AGBL4: variants seen among roughly 807,000 people sequenced by gnomAD.
AGBL4 encodes cytosolic carboxypeptidase 6.
Under a neutral mutation model 66.4 loss-of-function variants are expected in AGBL4, and 58 were observed. That is an observed-to-expected ratio of 0.87 (90% CI 0.71 to 1.09). AGBL4 has a LOEUF of 1.09. Ranked by LOEUF, AGBL4 falls within the 50% of genes least tolerant of loss-of-function variation. AGBL4 has a pLI of 0.00. For missense variants in AGBL4, 579 were observed against 631.0 expected, an observed-to-expected ratio of 0.92 and a Z score of 0.88; for synonymous variants, 234 against 222.9, an observed-to-expected ratio of 1.05 and a Z score of -0.44.
At chr1:49,337,242 A>C (rs144392660) in intron 3 of AGBL4, among the ~76,000 whole-genome samples, 1 of 152,184 alleles carries the variant, frequency 6.6e-6, no homozygotes, top group Non-Finnish European at 1.5e-5. Flanking sequence ...AGTGTTTTAT[A>C]AACTGTGAGG....
intron 3 of AGBL4, among the ~76,000 whole-genome samples, chr1:49,413,809 C>T (rs1004026212): frequency 6.6e-6 from 1 of 152,058 alleles, no homozygotes; most frequent in Non-Finnish European, 1.5e-5. Flanking sequence ...ACTTTGAAAT[C>T]GGGGAAATCT....
At chr1:49,535,588 T>C (rs1342885774) in intron 3 of AGBL4, among the ~76,000 whole-genome samples, 1 of 151,928 alleles carries the variant, frequency 6.6e-6, no homozygotes, top group Non-Finnish European at 1.5e-5. Flanking sequence ...GAGTATAAAA[T>C]ATATAACAAA....
intron 5 of AGBL4, among the ~76,000 whole-genome samples, chr1:48,894,574 C>T (rs1651316825): frequency 6.6e-6 from 1 of 151,780 alleles, no homozygotes; most frequent in African/African-American, 2.4e-5. Context: ...TCCAGGGTCA[C>T]TTGTCACATG....
chr1:49,216,924 G>A (rs1051735925), intron 4 of AGBL4, among the ~76,000 whole-genome samples: 5 of 152,028 alleles, frequency 3.3e-5, no homozygotes, highest in Admixed American at 2.0e-4. Context: ...GCTCCCCCTC[G>A]GTCCTTTGCC....
intron 5 of AGBL4, among the ~76,000 whole-genome samples, chr1:48,893,041 A>T (rs1047613949): frequency 6.6e-6 from 1 of 152,158 alleles, no homozygotes; most frequent in African/African-American, 2.4e-5. Flanking sequence ...TCTGGAGTGC[A>T]CTTATCTACT....
chr1:49,199,163 T>C (rs1185659711), intron 4 of AGBL4, among the ~76,000 whole-genome samples: 8 of 152,214 alleles, frequency 5.3e-5, no homozygotes, highest in South Asian at 2.1e-4. Context: ...ACCATTATTA[T>C]GCCCATTTTT....
At chr1:49,868,304 G>A (rs1250261937) in intron 1 of AGBL4, among the ~76,000 whole-genome samples, 1 of 151,982 alleles carries the variant, frequency 6.6e-6, no homozygotes, top group Non-Finnish European at 1.5e-5. Context: ...ACCAAAAAAA[G>A]GGCCCATATA....
intron 1 of AGBL4, among the ~76,000 whole-genome samples, chr1:49,917,114 C>G (rs1423484915): frequency 1.3e-5 from 2 of 152,070 alleles, no homozygotes; most frequent in African/African-American, 4.8e-5. Context: ...ACAACCGGTA[C>G]CAGCCACTGC....
At chr1:49,516,705 G>T (rs1363779779) in intron 3 of AGBL4, among the ~76,000 whole-genome samples, 1 of 152,046 alleles carries the variant, frequency 6.6e-6, no homozygotes, top group South Asian at 2.1e-4. Context: ...ACATGGGGAT[G>T]GAGGAAGTGC....
At chr1:48,634,823 A>C (rs760819147) in intron 8 of AGBL4, among the ~76,000 whole-genome samples, 30 of 152,206 alleles carry the variant, frequency 2.0e-4, no homozygotes, top group Admixed American at 7.9e-4. Context: ...GCAGAGTAAG[A>C]AACTGAGTCA....
intron 5 of AGBL4, among the ~76,000 whole-genome samples, chr1:48,910,083 G>A (rs1164236751): frequency 2.0e-5 from 3 of 152,136 alleles, no homozygotes; most frequent in African/African-American, 7.2e-5. Flanking sequence ...CAATTAGAAA[G>A]AACTTCCTTA....
chr1:49,824,179 G>C (rs976657887), intron 2 of AGBL4, among the ~76,000 whole-genome samples: 1 of 152,118 alleles, frequency 6.6e-6, no homozygotes, highest in Non-Finnish European at 1.5e-5. Context: ...TTGCACTCCA[G>C]CCTGGGCAAC....
chr1:49,249,600 T>A (rs1346956), intron 3 of AGBL4, among the ~76,000 whole-genome samples: 136,009 of 152,202 alleles, frequency 0.89, 61,303 homozygotes, highest in South Asian at 0.95. Flanking sequence ...GAAAAAAAGG[T>A]ACACTCATAT....
chr1:49,204,017 A>T lies in AGBL4; in HGVS notation c.377+41753T>A, dbSNP rs114044195. On this transcript the variant is annotated intron_variant, in intron 4 of 13. Transcript: ENST00000371839. Reference sequence around the variant, plus strand: ...CAACCATAAAGAAAATGGATAAAGCATCATGGGAGAAAAGCAAGGTAGACA... The same window carrying T: ...CAACCATAAAGAAAATGGATAAAGCTTCATGGGAGAAAAGCAAGGTAGACA... Among the ~76,000 whole-genome samples, 783 of 152,328 alleles carry T rather than the reference A, an allele frequency of 5.1e-3. 6 individuals are homozygous for T. Among genetic ancestry groups the T allele is most frequent in the Middle Eastern group, 0.017 (5 of 294 alleles).
At chr1:49,803,610 T>C (rs1260788986) in intron 2 of AGBL4, among the ~76,000 whole-genome samples, 3 of 152,184 alleles carry the variant, frequency 2.0e-5, no homozygotes, top group Admixed American at 6.5e-5. Context: ...ACTCTACTTC[T>C]CTGAACTGCA....
intron 3 of AGBL4, among the ~76,000 whole-genome samples, chr1:49,370,074 C>T (rs1570542977): frequency 1.4e-5 from 2 of 147,328 alleles, no homozygotes; most frequent in East Asian, 2.0e-4. Context: ...CACACACACA[C>T]ATATATAATT....
intron 8 of AGBL4, among the ~76,000 whole-genome samples, chr1:48,637,562 G>A (rs946254378): frequency 6.6e-6 from 1 of 152,210 alleles, no homozygotes; most frequent in African/African-American, 2.4e-5. Flanking sequence ...CCAGGCTCAG[G>A]CACCAGCCAC....
At chr1:48,709,703 G>A (rs1019747689) in intron 6 of AGBL4, among the ~76,000 whole-genome samples, 6 of 151,866 alleles carry the variant, frequency 4.0e-5, no homozygotes, top group African/African-American at 1.5e-4. Flanking sequence ...CCAGGTTCAC[G>A]CCATTCTCTG....
intron 3 of AGBL4, among the ~76,000 whole-genome samples, chr1:49,274,251 T>C (rs1644120615): frequency 6.6e-6 from 1 of 152,172 alleles, no homozygotes; most frequent in Non-Finnish European, 1.5e-5. Context: ...CTAAATTCAG[T>C]CTTTAGACCT....
Sources: gnomAD v4.1 joint callset for allele counts (sites outside exome capture counted in the v4.1 genomes callset) on GRCh38, gnomAD v4.1.1 for gene constraint, MANE v1.5 for transcripts, NCBI Gene and HGNC (gene_info 2026-07-23, HGNC 2026-07-21) for gene names.